The following FCGR2A variants were observed in gnomAD, a reference collection of about 807,000 sequenced individuals.
The protein encoded by FCGR2A is Fc gamma receptor IIa.
In FCGR2A, 18 loss-of-function variants were observed where a neutral mutation model predicts 29.3. That is an observed-to-expected ratio of 0.62 (90% CI 0.43 to 0.91). The LOEUF (loss-of-function observed/expected upper bound fraction) is 0.91, where lower values mean the gene tolerates loss of function less well. FCGR2A is among the 40% of genes least tolerant of loss of function. The pLI is 0.00. For missense variants in FCGR2A, 287 were observed against 393.0 expected (o/e 0.73, Z 2.28); for synonymous variants, 126 against 144.8 (o/e 0.87, Z 0.93).
rs1167406029 is a variant in FCGR2A, at chr1:161,518,964, AC to A, written c.*817del. On this transcript the variant is annotated 3_prime_UTR_variant, in exon 7 of 7. Transcript: ENST00000271450. ...TCCTATGCCCTCTCTGTGGATCCCT[AC>A]TGCTGGTTTCTGCCTTCTCCATGCT... 3.2e-6 allele frequency: 1 copy of A among 315,452 alleles called. No homozygotes were observed. The highest frequency in any genetic ancestry group is 2.3e-5 in the African/African-American group (1 of 44,098). 19.5% of individuals were successfully genotyped at this position (315,452 alleles called of 1,614,324 possible).
rs1676242530 is a variant in FCGR2A at position 161,517,976 on chromosome 1, C to T, written c.782C>T (p.Pro261Leu). 6.2e-7 allele frequency: 1 copy of T among 1,613,608 alleles called. No homozygotes were observed. Among genetic ancestry groups the T allele is most frequent in the Non-Finnish European group, 8.5e-7 (1 of 1,179,574 alleles). ...TDPVKAAQFE[P>L]PGRQMIAIRK... ...TGGGTTTTAAATGCTTTCCTGCAGC[C>T]ACCTGGACGTCAAATGATTGCCATC... The change falls in exon 7 of 7, where the codon CCA becomes CTA. Residue 261 changes from proline to leucine, a missense_variant and splice_region_variant. Pro to Leu is a moderately conservative substitution (Grantham distance 98). Coordinates refer to ENST00000271450, the MANE Select transcript of FCGR2A (RefSeq NM_001136219.3).
intron 1 of FCGR2A, 74 bp from the exon 2 acceptor site, chr1:161,505,913 C>T: frequency 6.9e-7 from 1 of 1,456,660 alleles, no homozygotes; most frequent in Non-Finnish European, 9.7e-7. Context: ...ACCTCCCCAG[C>T]ATTTCACATA....
Position 161,506,363 on chromosome 1 carries a change from G to T in FCGR2A, c.136G>T (p.Glu46Ter), listed in dbSNP as rs768827287. Reference sequence around the variant, plus strand: ...TCCCCCAAAGGCTGTGCTGAAACTTGAGCCCCCGTGGATCAACGTGCTCCA... The same window carrying T: ...TCCCCCAAAGGCTGTGCTGAAACTTTAGCCCCCGTGGATCAACGTGCTCCA... ...AAPPKAVLKL[E>*]PPWINVLQED... is the part of the protein sequence containing the mutation. The change falls in exon 3 of 7, where the codon GAG (glutamate) becomes TAG (stop). Residue 46 changes from glutamate to a stop codon, truncating the protein, a stop_gained. Transcript: ENST00000271450. LOFTEE classifies it high-confidence loss of function. 2 of 1,614,028 alleles carry T rather than the reference G, an allele frequency of 1.2e-6. No individual in the cohort carries two copies. Among genetic ancestry groups the T allele is most frequent in the African/African-American group, 2.7e-5 (2 of 74,908 alleles).
At chr1:161,520,612 G>C (rs1369352236), downstream of FCGR2A, among the ~76,000 whole-genome samples, 1 of 150,960 alleles carries the variant, frequency 6.6e-6, no homozygotes, top group Non-Finnish European at 1.5e-5. Context: ...CCAACAATCT[G>C]ACTGCTTCTC....
chr1:161,514,307 T>C (rs1043185420), intron 6 of FCGR2A, among the ~76,000 whole-genome samples: 3 of 150,048 alleles, frequency 2.0e-5, no homozygotes, highest in African/African-American at 7.4e-5. Flanking sequence ...ACCTATCAAA[T>C]TTCTTTATTT....
At chr1:161,522,448 G>A (rs1270379159), downstream of FCGR2A, among the ~76,000 whole-genome samples, 1 of 152,074 alleles carries the variant, frequency 6.6e-6, no homozygotes, top group African/African-American at 2.4e-5. Flanking sequence ...GAGTGGGTAA[G>A]TGGGGTTTTG....
downstream of FCGR2A, among the ~76,000 whole-genome samples, chr1:161,521,321 C>T (rs184125880): frequency 1.3e-3 from 203 of 152,112 alleles, 1 homozygote; most frequent in African/African-American, 4.5e-3. Flanking sequence ...CATAGTAAAG[C>T]GCTTAATAAA....
At chr1:161,514,000 G>C (rs368421532) in intron 6 of FCGR2A, 68 bp downstream of exon 6, 766 of 1,611,950 alleles carry the variant, frequency 4.8e-4, no homozygotes, top group Non-Finnish European at 6.2e-4. Context: ...TCTCATTTTT[G>C]CCTTTGTTAA....
At chr1:161,509,775 G>GAATC in intron 3 of FCGR2A, 45 bp from the exon 4 acceptor site, 1 of 1,611,056 alleles carries the variant, frequency 6.2e-7, no homozygotes, top group Non-Finnish European at 8.5e-7. Flanking sequence ...AAAACCCTTG[G>GAATC]AATCTATCCT....
chr1:161,505,728 G>A (rs1385800858), intron 1 of FCGR2A, 176 bp downstream of exon 1: 2 of 714,104 alleles, frequency 2.8e-6, no homozygotes, highest in Non-Finnish European at 5.0e-6. Context: ...GAACTCAGAG[G>A]TAGTTTCATA....
Position 161,513,900 on chromosome 1 carries a change from T to C in FCGR2A, c.748T>C (p.Ser250Pro). 6.2e-7 allele frequency: 1 copy of C among 1,614,238 alleles called. No homozygotes were observed. Among genetic ancestry groups the C allele is most frequent in the Non-Finnish European group, 8.5e-7 (1 of 1,180,046 alleles). ...CTTTTTCTTTTTCCCCACAGCCAATTCCACTGATCCTGTGAAGGCTGCCCA... is the reference window on the plus strand; with the variant it reads ...CTTTTTCTTTTTCCCCACAGCCAATCCCACTGATCCTGTGAAGGCTGCCCA... The part of the protein sequence containing the change: ...YCRKKRISAN[S>P]TDPVKAAQFE... Residue 250 changes from serine to proline, a missense_variant, in exon 6 of 7, where the codon TCC (serine) becomes CCC (proline). By Grantham distance (74) the Ser-to-Pro change is moderately conservative (BLOSUM62 -1). Transcript: ENST00000271450.
intron 4 of FCGR2A, 106 bp downstream of exon 4, chr1:161,510,180 T>G: frequency 1.3e-6 from 2 of 1,551,538 alleles, no homozygotes; most frequent in Admixed American, 3.8e-5. Flanking sequence ...AGCAGCAAAA[T>G]TGGGCACTGG....
chr1:161,505,667 A>G (rs1675340005), intron 1 of FCGR2A, 115 bp downstream of exon 1: 2 of 855,664 alleles, frequency 2.3e-6, no homozygotes, highest in African/African-American at 3.3e-5. Context: ...ATAGATTGAA[A>G]GAGGAGAGAG....
At chr1:161,512,989 TA>T (rs1243838615) in intron 5 of FCGR2A, among the ~76,000 whole-genome samples, 2 of 152,230 alleles carry the variant, frequency 1.3e-5, no homozygotes, top group Admixed American at 1.3e-4. Flanking sequence ...AATGGTTTTT[TA>T]AAAATCCTTT....
intron 3 of FCGR2A, among the ~76,000 whole-genome samples, chr1:161,508,985 C>T (rs1675594714): frequency 6.6e-6 from 1 of 151,262 alleles, no homozygotes. Context: ...TGTTTCTGTG[C>T]CCCCAAAATT....
rs1676289127 is a variant in FCGR2A at position 161,518,622 on chromosome 1, T to TG, written c.*474_*475insG. 2 of 172,938 alleles carry TG rather than the reference T, an allele frequency of 1.2e-5. No individual in the cohort carries two copies. The highest frequency in any genetic ancestry group is 2.5e-5 in the Non-Finnish European group (2 of 80,378). The allele number at this position is 172,938 out of a possible 1,614,324, so 10.7% of individuals were successfully genotyped here. On this transcript the variant is annotated 3_prime_UTR_variant, in exon 7 of 7. Transcript: ENST00000271450. ...CTCAGATTTTTCCTTTAACATCTTTTTTTTTTTTGACAGAGTCTCAATCTG... is the reference window on the plus strand; with the variant it reads ...CTCAGATTTTTCCTTTAACATCTTTTGTTTTTTTTGACAGAGTCTCAATCTG...
chr1:161,510,376 G>T, intron 4 of FCGR2A: 1 of 620,556 alleles, frequency 1.6e-6, no homozygotes, highest in African/African-American at 1.8e-5. Flanking sequence ...CTAAGCTCCT[G>T]GGCATTCCTA....
At position 161,506,019 on chromosome 1, in the gene FCGR2A, C is replaced by T. The variant is rs771130553; in HGVS notation, c.106+12C>T. On this transcript the variant is annotated intron_variant, in intron 2 of 6. Transcript: ENST00000271450. ...AGACAGTCAAGCTGGTGAGTATGCC[C>T]TTTGCTTCCTTGTATTGACAGTGTT... 6.2e-7 allele frequency: 1 copy of T among 1,612,926 alleles called. No individual in the cohort carries two copies. Among genetic ancestry groups the T allele is most frequent in the African/African-American group, 1.3e-5 (1 of 74,886 alleles).
At position 161,508,543 on chromosome 1, in the gene FCGR2A, C is replaced by T. The variant is rs572564876; in HGVS notation, c.365-1277C>T. ...TGGAGTTTGCAGTGAGCCGAGATCG[C>T]GCCATTCCACTCCAGCCTGGGCAAT... On this transcript the variant is annotated intron_variant, in intron 3 of 6. Transcript: ENST00000271450. 3.9e-4 allele frequency among the ~76,000 whole-genome samples: 58 copies of T among 149,816 alleles called. No individual in the cohort carries two copies. The South Asian group carries it at 5.5e-3, about 14-fold the overall frequency.
Sources: allele counts gnomAD v4.1 joint callset (sites outside exome capture counted in the v4.1 genomes callset), GRCh38; gene constraint gnomAD v4.1.1; transcripts MANE v1.5; gene names NCBI Gene and HGNC (gene_info 2026-07-23, HGNC 2026-07-21).